The following ATM variants were observed in gnomAD, a reference collection of about 807,000 sequenced individuals.
ATM encodes serine-protein kinase ATM.
Under a neutral mutation model 387.0 loss-of-function variants are expected in ATM, and 308 were observed. That is an observed-to-expected ratio of 0.80 (90% confidence interval 0.73 to 0.87). ATM has a LOEUF of 0.87. Ranked by LOEUF, ATM falls within the 40% of genes least tolerant of loss-of-function variation. The pLI is 0.00. For synonymous variants in ATM, 1,156 were observed against 1,187.3 expected (o/e 0.97, Z 0.54); for missense variants, 3,312 against 3,560.9 (o/e 0.93, Z 1.78).
At chr11:108,228,569 CAG>C (rs1456665245) in intron 3 of ATM, among the ~76,000 whole-genome samples, 3 of 152,184 alleles carry the variant, frequency 2.0e-5, no homozygotes, top group African/African-American at 7.2e-5. Context: ...GTGTTTATGA[CAG>C]ATTCTGTTTT....
rs2079177054 is a variant in ATM, at chr11:108,234,599, G to T, written c.332-1071G>T. On this transcript the variant is annotated intron_variant, in intron 4 of 62. Coordinates refer to ENST00000675843, the MANE Select transcript of ATM (RefSeq NM_000051.4). ...TACCTATAGTCTCAGCACTTTGGGA[G>T]GCCAAGACAGGAGAATCCCTTGAGC... 3.3e-5 allele frequency among the ~76,000 whole-genome samples: 5 copies of T among 152,280 alleles called. No homozygotes were observed. In the South Asian group the frequency reaches 1.0e-3, roughly 32 times the overall value.
At chr11:108,306,592 GTTTTA>G (rs2083705441) in intron 37 of ATM, among the ~76,000 whole-genome samples, 2 of 152,024 alleles carry the variant, frequency 1.3e-5, no homozygotes, top group Non-Finnish European at 2.9e-5. Context: ...TAAAGTAACT[GTTTTA>G]TTTTATCTGT....
rs746252144 is a variant in ATM, at chr11:108,244,852, T to C, written c.727T>C (p.Leu243=). 6.2e-7 allele frequency: 1 copy of C among 1,613,910 alleles called. No individual in the cohort carries two copies. The highest frequency in any genetic ancestry group is 1.1e-5 in the South Asian group (1 of 91,082). ...LAALTIFLKT[L]AVNFRIRVCE... ...AGCTCTTACTATCTTCCTCAAGACT[T>C]TGGCTGTCAACTTTCGAATTCGAGT... The change falls in exon 7 of 63, where the codon TTG becomes CTG. Residue 243 remains leucine (L), a synonymous_variant. Coordinates refer to ENST00000675843, the MANE Select transcript of ATM (RefSeq NM_000051.4).
At chr11:108,237,937 G>GT (rs918441234) in intron 5 of ATM, among the ~76,000 whole-genome samples, 5 of 40,938 alleles carry the variant, frequency 1.2e-4, no homozygotes, top group Admixed American at 2.8e-4. Context: ...TTCTTTGTTT[G>GT]TTTTTTTGAG....
chr11:108,252,108 T>G (rs2080186785), intron 11 of ATM, 77 bp downstream of exon 11: 1 of 1,273,808 alleles, frequency 7.9e-7, no homozygotes, highest in African/African-American at 1.5e-5. Context: ...TGATGCCAGA[T>G]GGCTTTATTT....
intron 30 of ATM, 145 bp downstream of exon 30, chr11:108,292,938 GA>G (rs1285340930): frequency 1.2e-5 from 13 of 1,045,250 alleles, no homozygotes; most frequent in Non-Finnish European, 1.4e-5. Context: ...TATTCTTAAT[GA>G]ATTAACCTTT....
chr11:108,357,672 C>G (rs1018775553), intron 61 of ATM, among the ~76,000 whole-genome samples: 15 of 152,260 alleles, frequency 9.9e-5, no homozygotes, highest in African/African-American at 3.6e-4. Flanking sequence ...GAGGCACCCC[C>G]CAGCAGGGGC....
rs117222191 is a variant in ATM at position 108,233,825 on chromosome 11, T to C, written c.332-1845T>C. ...TGGGGCCACTGCACTCCAGCTTGGG[T>C]GACAGAGCGAGATATTCTGTCTCAA... On this transcript the variant is annotated intron_variant, in intron 4 of 62. Transcript: ENST00000675843. Among the ~76,000 whole-genome samples, 372 of 151,996 alleles carry C rather than the reference T, an allele frequency of 2.4e-3. 9 individuals are homozygous for C. The East Asian group carries it at 0.069, about 28-fold the overall frequency.
rs786203401 is a variant in ATM, at chr11:108,325,322, T to C, written c.6585T>C (p.His2195=). Residue 2195 remains histidine, a synonymous_variant, in exon 46 of 63, where the codon CAT becomes CAC. Transcript: ENST00000675843. ...TCGTGGCATTCAGATCAGTCACACATAGACAACTCTCTGAAGTATATATTA... is the reference window on the plus strand; with the variant it reads ...TCGTGGCATTCAGATCAGTCACACACAGACAACTCTCTGAAGTATATATTA... ...IGELFSRSVT[H]RQLSEVYIKW... is the part of the protein sequence containing the mutation. The C allele has an allele frequency of 2.6e-6, 4 of 1,551,264 alleles. No homozygotes were observed. The highest frequency in any genetic ancestry group is 1.1e-5 in the South Asian group (1 of 89,748).
intron 33 of ATM, among the ~76,000 whole-genome samples, chr11:108,297,743 T>C (rs991692743): frequency 6.6e-6 from 1 of 152,172 alleles, no homozygotes; most frequent in African/African-American, 2.4e-5. Flanking sequence ...GGGTTTGTCA[T>C]TTGGGATATT....
chr11:108,341,659 GAATAT>G (rs748111452), intron 56 of ATM, among the ~76,000 whole-genome samples: 16 of 152,122 alleles, frequency 1.1e-4, no homozygotes, highest in African/African-American at 2.2e-4. Flanking sequence ...CTGAGAAAAC[GAATAT>G]AATAATGTTA....
At chr11:108,283,026 C>T in intron 25 of ATM, 147 bp downstream of exon 25, 2 of 563,740 alleles carry the variant, frequency 3.5e-6, no homozygotes, top group South Asian at 4.7e-5. Flanking sequence ...AGGACAGCTT[C>T]TTTTAATAAG....
intron 37 of ATM, among the ~76,000 whole-genome samples, chr11:108,306,205 T>C (rs1440890669): frequency 2.0e-5 from 3 of 152,198 alleles, no homozygotes; most frequent in Non-Finnish European, 4.4e-5. Context: ...TTTGGAAAAA[T>C]ATAAATTATA....
Position 108,335,895 on chromosome 11 carries a change from G to A in ATM, c.8202G>A (p.Met2734Ile), listed in dbSNP as rs2086792007. 6.2e-7 allele frequency: 1 copy of A among 1,614,038 alleles called. No individual in the cohort carries two copies. Among genetic ancestry groups the A allele is most frequent in the Non-Finnish European group, 8.5e-7 (1 of 1,179,970 alleles). Residue 2734 changes from methionine to isoleucine, a missense_variant, in exon 56 of 63, where the codon ATG becomes ATA. Coordinates refer to ENST00000675843, the MANE Select transcript of ATM (RefSeq NM_000051.4). ...QDAVMQQVFQ[M>I]CNTLLQRNTE... The stretch of plus-strand genomic sequence containing the variant: ...CTGTCATGCAACAGGTCTTCCAGAT[G>A]TGTAATACATTACTGCAGAGAAACA...
chr11:108,347,237 T>C (rs1470971546), intron 58 of ATM, 42 bp from the exon 59 acceptor site: 2 of 1,378,276 alleles, frequency 1.5e-6, no homozygotes, highest in Non-Finnish European at 2.1e-6. Context: ...TAGAAAGAGA[T>C]GGAATCAGTG....
intron 16 of ATM, among the ~76,000 whole-genome samples, chr11:108,261,048 G>A (rs1450709352): frequency 1.3e-5 from 2 of 151,750 alleles, no homozygotes; most frequent in African/African-American, 4.9e-5. Flanking sequence ...CAAGGCGGCA[G>A]CGAGGCTGGG....
At chr11:108,246,239 T>C (rs1455060189) in intron 7 of ATM, among the ~76,000 whole-genome samples, 1 of 152,180 alleles carries the variant, frequency 6.6e-6, no homozygotes, top group Non-Finnish European at 1.5e-5. Flanking sequence ...ATAGTGACTT[T>C]TAATAGTTTT....
intron 48 of ATM, 69 bp from the exon 49 acceptor site, chr11:108,328,952 A>AT: frequency 6.9e-7 from 1 of 1,456,976 alleles, no homozygotes; most frequent in Non-Finnish European, 9.5e-7. Context: ...TATTACCTTA[A>AT]TTTGAGTGAT....
chr11:108,314,297 G>A (rs2084419760), intron 40 of ATM, among the ~76,000 whole-genome samples: 1 of 151,970 alleles, frequency 6.6e-6, no homozygotes, highest in African/African-American at 2.4e-5. Context: ...TGTAGAGATG[G>A]GTTTAGCCAT....
Sources: gnomAD v4.1 joint callset for allele counts (sites outside exome capture counted in the v4.1 genomes callset) on GRCh38, gnomAD v4.1.1 for gene constraint, MANE v1.5 for transcripts, NCBI Gene and HGNC (gene_info 2026-07-23, HGNC 2026-07-21) for gene names.